SNTB2: variants seen among roughly 807,000 people sequenced by gnomAD.
The protein encoded by SNTB2 is syntrophin beta 2.
Under a neutral mutation model 46.2 loss-of-function variants are expected in SNTB2, and 34 were observed. That is an observed-to-expected ratio of 0.74 (90% CI 0.56 to 0.98). The LOEUF is 0.98. Among genes scored for constraint, SNTB2 ranks in the 50% least tolerant of loss-of-function variants. The pLI, the probability that SNTB2 is intolerant of heterozygous loss-of-function variation, is 0.00. For missense variants in SNTB2, 603 were observed against 731.4 expected, an observed-to-expected ratio of 0.82 and a Z score of 2.02; for synonymous variants, 290 against 312.6, an observed-to-expected ratio of 0.93 and a Z score of 0.76.
intron 2 of SNTB2, among the ~76,000 whole-genome samples, chr16:69,249,301 C>T (rs1279809055): frequency 6.6e-6 from 1 of 152,140 alleles, no homozygotes; most frequent in East Asian, 1.9e-4. Flanking sequence ...GCTGGGGTTA[C>T]AGGCATGAGC....
chr16:69,268,880 A>T (rs1330435722), intron 3 of SNTB2, among the ~76,000 whole-genome samples: 1 of 150,714 alleles, frequency 6.6e-6, no homozygotes, highest in South Asian at 2.1e-4. Context: ...AAAAATAATA[A>T]CACTGTGGGT....
chr16:69,292,706 G>A (rs1965185510), intron 5 of SNTB2, among the ~76,000 whole-genome samples: 1 of 150,848 alleles, frequency 6.6e-6, no homozygotes, highest in Non-Finnish European at 1.5e-5. Context: ...ACCCACCTCG[G>A]CCTCCCAAAG....
At chr16:69,279,038 A>T (rs1479843264) in intron 4 of SNTB2, among the ~76,000 whole-genome samples, 1 of 152,158 alleles carries the variant, frequency 6.6e-6, no homozygotes, top group Non-Finnish European at 1.5e-5. Context: ...TAAAAAACTC[A>T]CAAAATTTAC....
chr16:69,307,329 G>A lies in SNTB2; in HGVS notation c.*6405G>A, dbSNP rs182714780. 3 of 152,324 alleles carry A rather than the reference G, an allele frequency of 2.0e-5. No homozygotes were observed. The highest frequency in any genetic ancestry group is 2.0e-4 in the Admixed American group (3 of 15,306). The allele number at this position is 152,324 out of a possible 1,614,324, so 9.4% of individuals were successfully genotyped here. Reference sequence around the variant, plus strand: ...CTCAGGCTTTGATCCATGCCAACATGAAAGGACTCCAAGCACATTTAAGTA... The same window carrying A: ...CTCAGGCTTTGATCCATGCCAACATAAAAGGACTCCAAGCACATTTAAGTA... On this transcript the variant is annotated 3_prime_UTR_variant, in exon 7 of 7. Transcript: ENST00000336278.
Position 69,304,513 on chromosome 16 carries a change from T to C in SNTB2, c.*3589T>C, listed in dbSNP as rs1965301263. 1 of 152,668 alleles carries C rather than the reference T, an allele frequency of 6.6e-6. No individual in the cohort carries two copies. Among genetic ancestry groups the C allele is most frequent in the African/African-American group, 2.4e-5 (1 of 41,474 alleles). 9.5% of individuals were successfully genotyped at this position (152,668 alleles called of 1,614,324 possible). ...GAGAGATTGGATTATTTATTTCTTATATTTTTATAAGTAAAAAAATCTTTC... is the reference window on the plus strand; with the variant it reads ...GAGAGATTGGATTATTTATTTCTTACATTTTTATAAGTAAAAAAATCTTTC... On this transcript the variant is annotated 3_prime_UTR_variant, in exon 7 of 7. Transcript: ENST00000336278.
At chr16:69,265,018 G>A (rs1188933307) in intron 3 of SNTB2, among the ~76,000 whole-genome samples, 1 of 152,154 alleles carries the variant, frequency 6.6e-6, no homozygotes, top group Non-Finnish European at 1.5e-5. Flanking sequence ...GGGAGGCCGA[G>A]GCGGGTGGAT....
chr16:69,231,228 A>C (rs1176977746), intron 1 of SNTB2: 2 of 152,260 alleles, frequency 1.3e-5, no homozygotes, highest in African/African-American at 4.8e-5. Flanking sequence ...AAGTTGTAAC[A>C]TTGTTTCACA....
At chr16:69,242,744 G>A (rs113837751) in intron 1 of SNTB2, among the ~76,000 whole-genome samples, 7,613 of 152,216 alleles carry the variant, frequency 0.05, 262 homozygotes, top group Non-Finnish European at 0.071. Context: ...ACGTGAGGCC[G>A]GGCATAGTGG....
chr16:69,294,965 C>A (rs1965208591), intron 5 of SNTB2, among the ~76,000 whole-genome samples: 1 of 151,642 alleles, frequency 6.6e-6, no homozygotes. Flanking sequence ...ATTACAAGCA[C>A]ACACTGCCAT....
At chr16:69,237,087 A>C (rs1420778879) in intron 1 of SNTB2, among the ~76,000 whole-genome samples, 1 of 152,198 alleles carries the variant, frequency 6.6e-6, no homozygotes, top group Admixed American at 6.6e-5. Context: ...AGGATGGGGC[A>C]GCACCCAGGT....
chr16:69,294,035 G>T (rs1965199834), intron 5 of SNTB2, among the ~76,000 whole-genome samples: 2 of 152,078 alleles, frequency 1.3e-5, no homozygotes, highest in South Asian at 4.1e-4. Context: ...TTGTTTGTTT[G>T]TTTGTTTTTA....
At chr16:69,266,696 G>A (rs1964888841) in intron 3 of SNTB2, among the ~76,000 whole-genome samples, 1 of 152,042 alleles carries the variant, frequency 6.6e-6, no homozygotes, top group Non-Finnish European at 1.5e-5. Flanking sequence ...TATAACTTAA[G>A]GGGAAAAATT....
At chr16:69,189,827 C>T (rs115248795) in intron 1 of SNTB2, among the ~76,000 whole-genome samples, 3,511 of 152,308 alleles carry the variant, frequency 0.023, 138 homozygotes, top group African/African-American at 0.08. Flanking sequence ...GAAAACCTTG[C>T]AGTAAATGCT....
At chr16:69,226,038 G>A (rs1964456713) in intron 1 of SNTB2, among the ~76,000 whole-genome samples, 1 of 151,460 alleles carries the variant, frequency 6.6e-6, no homozygotes, top group Admixed American at 6.6e-5. Flanking sequence ...AAAGTGCTAG[G>A]ATTAAAGGCA....
At chr16:69,218,472 A>T (rs1282436356) in intron 1 of SNTB2, among the ~76,000 whole-genome samples, 1 of 148,806 alleles carries the variant, frequency 6.7e-6, no homozygotes, top group African/African-American at 2.5e-5. Flanking sequence ...CCCAGGCTGG[A>T]GTGCAGTGGC....
At chr16:69,256,300 C>T (rs139230949) in intron 2 of SNTB2, among the ~76,000 whole-genome samples, 70 of 152,280 alleles carry the variant, frequency 4.6e-4, no homozygotes, top group African/African-American at 1.5e-3. Flanking sequence ...GGATTACAGG[C>T]ATGAGTCACT....
intron 1 of SNTB2, among the ~76,000 whole-genome samples, chr16:69,213,270 G>A (rs1380021439): frequency 1.3e-5 from 2 of 152,086 alleles, no homozygotes; most frequent in Non-Finnish European, 2.9e-5. Flanking sequence ...AGTAAAAGGG[G>A]TGATTTCATG....
chr16:69,198,544 C>T (rs1964128435), intron 1 of SNTB2, among the ~76,000 whole-genome samples: 1 of 152,148 alleles, frequency 6.6e-6, no homozygotes, highest in African/African-American at 2.4e-5. Flanking sequence ...TACATGTTTC[C>T]TCCCATTATT....
intron 4 of SNTB2, among the ~76,000 whole-genome samples, chr16:69,276,531 G>T (rs1432619562): frequency 6.6e-6 from 1 of 152,164 alleles, no homozygotes; most frequent in African/African-American, 2.4e-5. Context: ...CCAACACTTT[G>T]TCTTACTTGG....
Sources: allele counts gnomAD v4.1 joint callset (sites outside exome capture counted in the v4.1 genomes callset), GRCh38; gene constraint gnomAD v4.1.1; transcripts MANE v1.5; gene names NCBI Gene and HGNC (gene_info 2026-07-23, HGNC 2026-07-21).